Variants in KTN1 observed in about 807,000 individuals in gnomAD.
The protein encoded by KTN1 is kinectin.
Under a neutral mutation model 222.5 loss-of-function variants are expected in KTN1, and 130 were observed. The observed-to-expected ratio is 0.58, with a 90% CI of 0.51 to 0.68. The LOEUF is 0.68. Among genes scored for constraint, KTN1 ranks in the 30% least tolerant of loss-of-function variants. The pLI is 0.00. For missense variants in KTN1, 1,508 were observed against 1,500.4 expected (o/e 1.01, Z -0.08); for synonymous variants, 512 against 496.3 (o/e 1.03, Z -0.42).
intron 32 of KTN1, among the ~76,000 whole-genome samples, chr14:55,662,347 G>A (rs1214522955): frequency 6.6e-6 from 1 of 152,086 alleles, no homozygotes; most frequent in Non-Finnish European, 1.5e-5. Context: ...TGGGATTATA[G>A]GTGTGAGCCA....
chr14:55,677,807 T>A (rs778040365), intron 41 of KTN1, among the ~76,000 whole-genome samples: 11 of 152,208 alleles, frequency 7.2e-5, no homozygotes, highest in Non-Finnish European at 1.5e-4. Flanking sequence ...CAGTTGATTC[T>A]CCTTCCTCAG....
Position 55,672,928 on chromosome 14 carries a change from G to A in KTN1, c.3604-1G>A. On this transcript the variant is annotated splice_acceptor_variant, in intron 38 of 43. Coordinates refer to ENST00000395314, the MANE Select transcript of KTN1 (RefSeq NM_001079521.2). LOFTEE classifies it high-confidence loss of function. ...TAACTTTTCCTTTGTTGCATTGCTAGCTGAGAAGAGAACGAGAACATTTGG... is the reference window on the plus strand; with the variant it reads ...TAACTTTTCCTTTGTTGCATTGCTAACTGAGAAGAGAACGAGAACATTTGG... 6.2e-7 allele frequency: 1 copy of A among 1,611,492 alleles called. No individual in the cohort carries two copies. Among genetic ancestry groups the A allele is most frequent in the Non-Finnish European group, 8.5e-7 (1 of 1,177,846 alleles).
chr14:55,661,897 T>C (rs545069406), intron 32 of KTN1: 3 of 208,934 alleles, frequency 1.4e-5, no homozygotes, highest in Non-Finnish European at 1.9e-5. Context: ...AATTGACTTT[T>C]TGTTGAACTT....
rs771191770 is a variant in KTN1, at chr14:55,629,985, A to G, written c.1109A>G (p.Asn370Ser). The change falls in exon 7 of 44, where the codon AAT becomes AGT. Residue 370 changes from asparagine to serine, a missense_variant. Transcript: ENST00000395314. ...ATGATGACAGAGAAAGAAAGAAGCA[A>G]TGTGGTTATAACAAGGATGAAAGAT... ...QEMMTEKERS[N>S]VVITRMKDRI... is the part of the protein sequence containing the mutation. 6.3e-7 allele frequency: 1 copy of G among 1,599,598 alleles called. No individual in the cohort carries two copies. The highest frequency in any genetic ancestry group is 1.1e-5 in the South Asian group (1 of 90,282).
chr14:55,669,431 T>G (rs1017011020), intron 34 of KTN1, among the ~76,000 whole-genome samples: 8 of 152,072 alleles, frequency 5.3e-5, no homozygotes, highest in African/African-American at 1.9e-4. Flanking sequence ...ATTTTAGGTT[T>G]GTAAAGATTT....
chr14:55,636,670 A>G, intron 10 of KTN1, 134 bp downstream of exon 10: 1 of 601,274 alleles, frequency 1.7e-6, no homozygotes, highest in Non-Finnish European at 2.9e-6. Flanking sequence ...TACTTTCAGA[A>G]TATCTTTCTT....
chr14:55,639,327 G>C, intron 13 of KTN1, 105 bp downstream of exon 13: 1 of 615,652 alleles, frequency 1.6e-6, no homozygotes, highest in Non-Finnish European at 2.8e-6. Flanking sequence ...GACCTGTTCA[G>C]AAAATACTCT....
chr14:55,602,288 A>G (rs1178221992), intron 1 of KTN1, among the ~76,000 whole-genome samples: 1 of 152,234 alleles, frequency 6.6e-6, no homozygotes, highest in Non-Finnish European at 1.5e-5. Context: ...TAAATAGAGA[A>G]TAAGTGCTCT....
intron 18 of KTN1, 28 bp from the exon 19 acceptor site, chr14:55,646,944 TA>T (rs1208150791): frequency 1.4e-6 from 2 of 1,442,702 alleles, no homozygotes; most frequent in Non-Finnish European, 1.9e-6. Context: ...TTGGTAAAGT[TA>T]AACTTTTTTT....
chr14:55,590,329 T>C (rs1361391164), intron 1 of KTN1, among the ~76,000 whole-genome samples: 4 of 152,258 alleles, frequency 2.6e-5, no homozygotes, highest in Admixed American at 2.6e-4. Context: ...AAATATAAAA[T>C]GAACATCTGT....
intron 1 of KTN1, 42 bp from the exon 2 acceptor site, chr14:55,611,977 G>C (rs553015252): frequency 1.1e-6 from 1 of 899,702 alleles, no homozygotes; most frequent in African/African-American, 1.7e-5. Flanking sequence ...GAGACTGACA[G>C]GTTCTTTTTT....
intron 32 of KTN1, chr14:55,661,885 G>T: frequency 4.4e-6 from 1 of 227,588 alleles, no homozygotes. Flanking sequence ...AGCTAAAAAT[G>T]CAATTGACTT....
chr14:55,589,766 C>G (rs545011406), intron 1 of KTN1, among the ~76,000 whole-genome samples: 3 of 143,904 alleles, frequency 2.1e-5, no homozygotes, highest in South Asian at 4.4e-4. Context: ...TCAAGTGATT[C>G]TCCTGCCTCA....
At chr14:55,621,771 T>C (rs1330659423) in intron 5 of KTN1, among the ~76,000 whole-genome samples, 1 of 152,160 alleles carries the variant, frequency 6.6e-6, no homozygotes, top group Non-Finnish European at 1.5e-5. Context: ...AATTCACTTA[T>C]TTAAAATGTC....
chr14:55,581,726 C>T (rs78250993), intron 1 of KTN1, among the ~76,000 whole-genome samples: 1,632 of 152,048 alleles, frequency 0.011, 31 homozygotes, highest in African/African-American at 0.037. Context: ...ACAGTGTCTC[C>T]AGTTTGGTCC....
chr14:55,599,559 A>G (rs1168523061), intron 1 of KTN1, among the ~76,000 whole-genome samples: 1 of 150,738 alleles, frequency 6.6e-6, no homozygotes, highest in East Asian at 1.9e-4. Context: ...TCTGCCGCAC[A>G]GAAGCACAGA....
chr14:55,647,657 A>G (rs981214399), intron 19 of KTN1, among the ~76,000 whole-genome samples: 2 of 147,702 alleles, frequency 1.4e-5, no homozygotes, highest in Non-Finnish European at 3.0e-5. Flanking sequence ...AAAAAAAAAA[A>G]AAAGAGCCAG....
chr14:55,649,007 C>G, intron 21 of KTN1, 137 bp downstream of exon 21: 1 of 625,514 alleles, frequency 1.6e-6, no homozygotes, highest in Non-Finnish European at 2.8e-6. Context: ...CTCACCGTAA[C>G]CTCGAACTCC....
intron 8 of KTN1, among the ~76,000 whole-genome samples, chr14:55,634,048 C>T (rs1281157334): frequency 1.3e-5 from 2 of 152,000 alleles, no homozygotes; most frequent in African/African-American, 4.8e-5. Context: ...ACAGGAGAAT[C>T]GCTTGAACCT....
Sources: gnomAD v4.1 joint callset for allele counts (sites outside exome capture counted in the v4.1 genomes callset) on GRCh38, gnomAD v4.1.1 for gene constraint, MANE v1.5 for transcripts, NCBI Gene and HGNC (gene_info 2026-07-23, HGNC 2026-07-21) for gene names.